The following HECW1 variants were observed in gnomAD, a reference collection of about 807,000 sequenced individuals.
HECW1 encodes the protein E3 ubiquitin-protein ligase HECW1.
In HECW1, 61 loss-of-function variants were observed where a neutral mutation model predicts 182.3. The ratio of observed to expected loss-of-function variants is 0.33; its 90% confidence interval spans 0.27 to 0.41. HECW1 has a LOEUF of 0.41. Among genes scored for constraint, HECW1 ranks in the 10% least tolerant of loss-of-function variants. The pLI, the probability that HECW1 is intolerant of heterozygous loss-of-function variation, is 1.00. For synonymous variants in HECW1, 859 were observed against 832.6 expected (o/e 1.03, Z -0.55); for missense variants, 1,739 against 2,108.9 (o/e 0.82, Z 3.44).
rs549214390 is a variant in HECW1, at chr7:43,483,547, C to CTTTTTTTTT, written c.3234+3814_3234+3822dup. The stretch of plus-strand genomic sequence containing the variant: ...TTCCTAACAGTCATCCATGCAAACT[C>CTTTTTTTTT]TTTTTTTTTTTTTTTTTTTGAGCTA... On this transcript the variant is annotated intron_variant, in intron 17 of 29. Coordinates refer to ENST00000395891, the MANE Select transcript of HECW1 (RefSeq NM_015052.5). 3.0e-4 allele frequency among the ~76,000 whole-genome samples: 36 copies of CTTTTTTTTT among 119,036 alleles called. 1 individual carries two copies. Among genetic ancestry groups the CTTTTTTTTT allele is most frequent in the Non-Finnish European group, 4.1e-4 (24 of 58,100 alleles). 78.1% of individuals were successfully genotyped at this position (119,036 alleles called of 152,430 possible). A position where few individuals can be genotyped will look rare whatever the true frequency, so the allele number is the denominator to read the frequency against.
chr7:43,430,406 A>G (rs1443964292), intron 8 of HECW1, among the ~76,000 whole-genome samples: 1 of 152,240 alleles, frequency 6.6e-6, no homozygotes, highest in Non-Finnish European at 1.5e-5. Flanking sequence ...TAAAAATTGC[A>G]AAGTTTATTG....
At chr7:43,303,270 A>C (rs1446486718) in intron 3 of HECW1, among the ~76,000 whole-genome samples, 1 of 152,070 alleles carries the variant, frequency 6.6e-6, no homozygotes, top group Non-Finnish European at 1.5e-5. Flanking sequence ...CCTGGCCTCC[A>C]GCTGGTTTCT....
At chr7:43,544,154 T>C (rs1282072617) in intron 26 of HECW1, among the ~76,000 whole-genome samples, 1 of 152,242 alleles carries the variant, frequency 6.6e-6, no homozygotes. Context: ...CTCAAAGTCA[T>C]AGAAGTCATC....
intron 7 of HECW1, among the ~76,000 whole-genome samples, chr7:43,403,801 C>T (rs1206560287): frequency 6.6e-6 from 1 of 152,086 alleles, no homozygotes; most frequent in Non-Finnish European, 1.5e-5. Context: ...AAGGTTGCCA[C>T]TGGTGGGGAG....
chr7:43,177,829 C>G (rs1792409867), intron 2 of HECW1, among the ~76,000 whole-genome samples: 1 of 152,214 alleles, frequency 6.6e-6, no homozygotes. Context: ...CCAAACCTAT[C>G]CATCTCCTCC....
At chr7:43,504,415 C>G (rs192152651) in intron 21 of HECW1, among the ~76,000 whole-genome samples, 1 of 152,206 alleles carries the variant, frequency 6.6e-6, no homozygotes, top group Non-Finnish European at 1.5e-5. Context: ...GACTTTTCTC[C>G]TTTCCTTTCT....
intron 3 of HECW1, among the ~76,000 whole-genome samples, chr7:43,279,493 A>G (rs948390900): frequency 1.3e-5 from 2 of 152,010 alleles, no homozygotes; most frequent in Non-Finnish European, 2.9e-5. Context: ...GCCTAACCCG[A>G]CCATCCACGC....
At chr7:43,437,953 C>T (rs559439012) in intron 8 of HECW1, 50 bp from the exon 9 acceptor site, 2 of 1,595,402 alleles carry the variant, frequency 1.3e-6, no homozygotes, top group South Asian at 1.1e-5. Context: ...GGGAATTGAC[C>T]AGCCCTCCAA....
rs559089858 is a variant in HECW1 at position 43,185,153 on chromosome 7, TG to T, written c.-31-58715del. On this transcript the variant is annotated intron_variant, in intron 2 of 29. Transcript: ENST00000395891. The stretch of plus-strand genomic sequence containing the variant: ...TAAAAACCCAAAAGGACAGGGATGG[TG>T]GGGGGGAAGGGGCTGGCTTCCTGAT... 9.9e-5 allele frequency among the ~76,000 whole-genome samples: 15 copies of T among 151,252 alleles called. 1 individual carries two copies. In the South Asian group the frequency reaches 3.2e-3, roughly 32 times the overall value.
intron 8 of HECW1, among the ~76,000 whole-genome samples, chr7:43,421,731 C>T (rs1584852308): frequency 6.6e-6 from 1 of 152,196 alleles, no homozygotes; most frequent in Non-Finnish European, 1.5e-5. Context: ...TGTGATACCA[C>T]TGCACACTCA....
At chr7:43,427,894 C>G (rs894859540) in intron 8 of HECW1, among the ~76,000 whole-genome samples, 4 of 152,178 alleles carry the variant, frequency 2.6e-5, no homozygotes, top group Admixed American at 6.5e-5. Flanking sequence ...TGACTTCAGA[C>G]AGGGCCCAGT....
At chr7:43,204,739 T>A (rs1465834161) in intron 2 of HECW1, among the ~76,000 whole-genome samples, 2 of 151,870 alleles carry the variant, frequency 1.3e-5, no homozygotes, top group Admixed American at 1.3e-4. Context: ...GGTAAGGGGG[T>A]GGTCTCTGGG....
intron 17 of HECW1, among the ~76,000 whole-genome samples, chr7:43,489,760 GAATATGGA>G (rs1447192065): frequency 1.3e-5 from 2 of 152,218 alleles, no homozygotes; most frequent in African/African-American, 4.8e-5. Context: ...CTTGGGTGTG[GAATATGGA>G]AGTGGGAACC....
intron 29 of HECW1, among the ~76,000 whole-genome samples, chr7:43,555,849 G>A (rs1348950479): frequency 6.6e-6 from 1 of 152,224 alleles, no homozygotes. Context: ...GCTAAACCTA[G>A]TGAATGTAAG....
intron 4 of HECW1, among the ~76,000 whole-genome samples, chr7:43,316,379 T>C (rs1006101268): frequency 6.6e-6 from 1 of 152,196 alleles, no homozygotes; most frequent in Non-Finnish European, 1.5e-5. Context: ...GTAAGTGTCA[T>C]AGGGATTTGC....
intron 2 of HECW1, among the ~76,000 whole-genome samples, chr7:43,213,993 A>T (rs112974558): frequency 4.6e-5 from 7 of 152,184 alleles, no homozygotes; most frequent in African/African-American, 1.7e-4. Context: ...TTTATTATAT[A>T]AGACCTTTAG....
chr7:43,195,631 C>T lies in HECW1; in HGVS notation c.-31-48244C>T, dbSNP rs996880910. On this transcript the variant is annotated intron_variant, in intron 2 of 29. Transcript: ENST00000395891. ...ATACCAGTAGGACCTGGACTCAAGC[C>T]GATGTCCAGACTTTTGACACCATTG... Among the ~76,000 whole-genome samples, 7 of 152,090 alleles carry T rather than the reference C, an allele frequency of 4.6e-5. No homozygotes were observed. The South Asian group carries it at 8.3e-4, about 18-fold the overall frequency.
At chr7:43,305,011 C>T (rs1189060709) in intron 3 of HECW1, among the ~76,000 whole-genome samples, 2 of 152,138 alleles carry the variant, frequency 1.3e-5, no homozygotes, top group African/African-American at 2.4e-5. Context: ...GAGGAAGCTG[C>T]GGGACTGAGA....
intron 2 of HECW1, among the ~76,000 whole-genome samples, chr7:43,125,592 T>C (rs1786127386): frequency 6.7e-6 from 1 of 149,146 alleles, no homozygotes; most frequent in Admixed American, 6.6e-5. Context: ...TCGTCTGTAC[T>C]AAAAATACAA....
Sources: gnomAD v4.1 joint callset for allele counts (sites outside exome capture counted in the v4.1 genomes callset) on GRCh38, gnomAD v4.1.1 for gene constraint, MANE v1.5 for transcripts, NCBI Gene and HGNC (gene_info 2026-07-23, HGNC 2026-07-21) for gene names.